Variants in FAM120A observed in about 807,000 individuals in gnomAD.
FAM120A encodes the protein family with sequence similarity 120 member A, also known as constitutive coactivator of PPAR-gamma-like protein 1.
FAM120A carries 15 observed loss-of-function variants against 109.7 expected under a neutral mutation model. The observed-to-expected ratio is 0.14, with a 90% CI of 0.09 to 0.21. FAM120A has a LOEUF of 0.21. FAM120A is among the 10% of genes least tolerant of loss of function. FAM120A has a pLI of 1.00. For missense variants in FAM120A, 899 were observed against 1,439.3 expected, an observed-to-expected ratio of 0.62 and a Z score of 6.07; for synonymous variants, 493 against 572.8, an observed-to-expected ratio of 0.86 and a Z score of 1.99.
intron 1 of FAM120A, chr9:93,453,517 G>A: frequency 2.0e-6 from 2 of 985,456 alleles, no homozygotes; most frequent in Non-Finnish European, 2.4e-6. Context: ...GGAGCTGAAA[G>A]TTTGTGAAAT....
At chr9:93,513,339 G>T (rs1860419718) in intron 5 of FAM120A, among the ~76,000 whole-genome samples, 1 of 152,230 alleles carries the variant, frequency 6.6e-6, no homozygotes, top group Non-Finnish European at 1.5e-5. Flanking sequence ...GCATGCACGT[G>T]TGGGGTGTGT....
At chr9:93,562,399 A>T in intron 17 of FAM120A, 95 bp downstream of exon 17, 1 of 888,604 alleles carries the variant, frequency 1.1e-6, no homozygotes, top group Admixed American at 2.0e-5. Context: ...CAGACAGAAG[A>T]GCTGTGAGGG....
At chr9:93,487,888 A>C (rs1309985633) in intron 3 of FAM120A, among the ~76,000 whole-genome samples, 2 of 152,218 alleles carry the variant, frequency 1.3e-5, no homozygotes, top group African/African-American at 4.8e-5. Context: ...CCATGTGGGC[A>C]GTATGATTCT....
chr9:93,561,310 C>CT (rs1458420298), intron 16 of FAM120A, 60 bp downstream of exon 16: 50 of 1,505,320 alleles, frequency 3.3e-5, no homozygotes, highest in East Asian at 9.9e-5. Context: ...TTCTAACTTG[C>CT]TTTTTTTTGG....
chr9:93,516,862 A>G (rs376337168), intron 7 of FAM120A, among the ~76,000 whole-genome samples: 13 of 152,226 alleles, frequency 8.5e-5, no homozygotes, highest in Non-Finnish European at 1.9e-4. Flanking sequence ...GATCGAGGAA[A>G]TCTTTAATTT....
chr9:93,488,721 A>T (rs1460837440), intron 3 of FAM120A, among the ~76,000 whole-genome samples: 1 of 152,038 alleles, frequency 6.6e-6, no homozygotes, highest in Non-Finnish European at 1.5e-5. Flanking sequence ...CATTCATCCA[A>T]GGTAGAACTT....
At position 93,500,232 on chromosome 9, in the gene FAM120A, C is replaced by T. The variant is rs1276186090; in HGVS notation, c.1030+1346C>T. ...AGAATTCCCCATTGGCTTCCCGTCA[C>T]ACTTGGAATAAATTCCCAACTACTT... On this transcript the variant is annotated intron_variant, in intron 5 of 17. Transcript: ENST00000277165. The surrounding 1 kb of genome is among the most constrained non-coding windows in gnomAD (Gnocchi z 4.6). Among the ~76,000 whole-genome samples, 1 of 152,272 alleles carries T rather than the reference C, an allele frequency of 6.6e-6. No homozygotes were observed. The highest frequency in any genetic ancestry group is 2.4e-5 in the African/African-American group (1 of 41,474).
intron 3 of FAM120A, among the ~76,000 whole-genome samples, chr9:93,494,088 G>A (rs1859462058): frequency 6.6e-6 from 1 of 152,198 alleles, no homozygotes; most frequent in Non-Finnish European, 1.5e-5. Context: ...GACTCCTACT[G>A]AGGCCCCATC....
At chr9:93,460,363 A>G (rs1369395877) in intron 1 of FAM120A, among the ~76,000 whole-genome samples, 1 of 151,940 alleles carries the variant, frequency 6.6e-6, no homozygotes, top group East Asian at 1.9e-4. Context: ...TTTTTTTGAG[A>G]TGAAGTCTCA....
intron 10 of FAM120A, among the ~76,000 whole-genome samples, chr9:93,541,082 G>GT (rs370250036): frequency 4.8e-4 from 72 of 150,868 alleles, no homozygotes; most frequent in Middle Eastern, 6.8e-3. Flanking sequence ...TGTGGTGGGG[G>GT]GTGTGTGTGG....
chr9:93,552,188 T>C (rs1862124827), intron 12 of FAM120A, among the ~76,000 whole-genome samples: 1 of 152,232 alleles, frequency 6.6e-6, no homozygotes, highest in Non-Finnish European at 1.5e-5. Context: ...TTATTCACCA[T>C]CAAGTTACTT....
chr9:93,468,366 G>A lies in FAM120A; in HGVS notation c.475-2775G>A, dbSNP rs369167797. 1.3e-4 allele frequency among the ~76,000 whole-genome samples: 20 copies of A among 152,322 alleles called. No homozygotes were observed. The East Asian group carries it at 3.3e-3, about 25-fold the overall frequency. On this transcript the variant is annotated intron_variant, in intron 1 of 17. Coordinates refer to ENST00000277165, the MANE Select transcript of FAM120A (RefSeq NM_014612.5). ...GCCAGCACCAAGCTAGACCCTTGAC[G>A]TGAAGATGCGTAAGCTGTGCCCCTT...
chr9:93,528,957 A>G (rs578249528), intron 8 of FAM120A, among the ~76,000 whole-genome samples: 2 of 152,216 alleles, frequency 1.3e-5, no homozygotes, highest in Admixed American at 1.3e-4. Context: ...GATCTTAGGC[A>G]AAGTCTCGAG....
chr9:93,462,520 G>A (rs766403529), intron 1 of FAM120A, among the ~76,000 whole-genome samples: 19 of 152,174 alleles, frequency 1.2e-4, no homozygotes, highest in Non-Finnish European at 2.4e-4. Flanking sequence ...GACCTCAAGT[G>A]ACCCACCACC....
intron 8 of FAM120A, among the ~76,000 whole-genome samples, chr9:93,527,928 G>C (rs1861159319): frequency 6.6e-6 from 1 of 151,976 alleles, no homozygotes; most frequent in Admixed American, 6.6e-5. Flanking sequence ...CTGTCTCCCT[G>C]CTTTTCTTCT....
At chr9:93,562,678 T>G (rs1444978954) in intron 17 of FAM120A, among the ~76,000 whole-genome samples, 1 of 149,886 alleles carries the variant, frequency 6.7e-6, no homozygotes, top group Admixed American at 6.6e-5. Context: ...TTTTTTTTTT[T>G]TTTTGAGATG....
chr9:93,524,098 C>G (rs1350870105), intron 7 of FAM120A, among the ~76,000 whole-genome samples: 1 of 152,188 alleles, frequency 6.6e-6, no homozygotes, highest in Non-Finnish European at 1.5e-5. Flanking sequence ...TGTTCTCAGC[C>G]CTGTTGAGTT....
chr9:93,458,772 G>A (rs979404528), intron 1 of FAM120A, among the ~76,000 whole-genome samples: 13 of 152,056 alleles, frequency 8.5e-5, no homozygotes, highest in African/African-American at 2.9e-4. Context: ...ACCTACCCCC[G>A]CGCCCCAGTG....
intron 10 of FAM120A, among the ~76,000 whole-genome samples, chr9:93,539,002 G>T (rs200721071): frequency 1.4e-5 from 2 of 144,852 alleles, no homozygotes; most frequent in Non-Finnish European, 3.0e-5. Flanking sequence ...CCCTAGAGTT[G>T]TTTTTTTTTT....
Sources: allele counts gnomAD v4.1 joint callset (sites outside exome capture counted in the v4.1 genomes callset), GRCh38; gene constraint gnomAD v4.1.1; non-coding constraint Gnocchi (gnomAD v3.1); transcripts MANE v1.5; gene names NCBI Gene and HGNC (gene_info 2026-07-23, HGNC 2026-07-21).